The following KIAA1671 variants were observed in gnomAD, a reference collection of about 807,000 sequenced individuals.
KIAA1671 encodes KIAA1671, also known as uncharacterized protein KIAA1671.
A neutral mutation model predicts 131.2 loss-of-function variants in KIAA1671; 52 were observed. That is an observed-to-expected ratio of 0.40 (90% CI 0.32 to 0.50). The LOEUF is 0.50. Among genes scored for constraint, KIAA1671 ranks in the 20% least tolerant of loss-of-function variants. The pLI is 0.73. For synonymous variants in KIAA1671, 1,003 were observed against 961.6 expected (o/e 1.04, Z -0.80); for missense variants, 2,360 against 2,364.2 (o/e 1.00, Z 0.04).
At chr22:25,149,596 G>A (rs1406407156) in intron 6 of KIAA1671, among the ~76,000 whole-genome samples, 1 of 151,848 alleles carries the variant, frequency 6.6e-6, no homozygotes, top group African/African-American at 2.4e-5. Context: ...TTGGACCCTG[G>A]AAGACCCCCC....
rs200053378 is a variant in KIAA1671, at chr22:25,041,839, G to C, written c.4395+314G>C. ...GGCTCACTGCAGCCATAATCTCCTG[G>C]GCTCAAGCCATCCTCCCGCCTCAGC... On this transcript the variant is annotated intron_variant, in intron 5 of 12. Coordinates refer to ENST00000358431, the MANE Select transcript of KIAA1671 (RefSeq NM_001145206.2). 4.8e-4 allele frequency among the ~76,000 whole-genome samples: 73 copies of C among 152,264 alleles called. No homozygotes were observed. The East Asian group carries it at 0.011, about 22-fold the overall frequency.
At chr22:25,163,177 AATT>A (rs1933507394) in intron 6 of KIAA1671, among the ~76,000 whole-genome samples, 2 of 151,682 alleles carry the variant, frequency 1.3e-5, no homozygotes, top group African/African-American at 4.8e-5. Flanking sequence ...AAAATACAAA[AATT>A]AGCCAGGCAT....
At chr22:24,977,391 T>A (rs141383427) in intron 1 of KIAA1671, among the ~76,000 whole-genome samples, 1 of 152,340 alleles carries the variant, frequency 6.6e-6, no homozygotes, top group East Asian at 1.9e-4. Context: ...AGAGCCTTGA[T>A]AAACCGGGCT....
intron 1 of KIAA1671, among the ~76,000 whole-genome samples, chr22:24,957,547 A>G (rs958120097): frequency 1.3e-5 from 2 of 152,102 alleles, no homozygotes; most frequent in African/African-American, 4.8e-5. Context: ...TAGATAAGCC[A>G]TGTCCCCCCG....
intron 1 of KIAA1671, among the ~76,000 whole-genome samples, chr22:24,955,114 G>A (rs977743694): frequency 1.3e-5 from 2 of 152,172 alleles, no homozygotes; most frequent in African/African-American, 2.4e-5. Flanking sequence ...GACCTTGGCA[G>A]GAGAATGAAG....
intron 1 of KIAA1671, among the ~76,000 whole-genome samples, chr22:24,969,092 A>G (rs1922461887): frequency 6.6e-6 from 1 of 151,862 alleles, no homozygotes; most frequent in African/African-American, 2.4e-5. Context: ...GCAGAGACAG[A>G]ATCTCCCATT....
chr22:25,082,075 G>A (rs751495409), intron 6 of KIAA1671, among the ~76,000 whole-genome samples: 10 of 152,088 alleles, frequency 6.6e-5, no homozygotes, highest in Non-Finnish European at 1.3e-4. Context: ...GCTGCTGGTA[G>A]GCAAATGGAT....
chr22:24,982,264 TCAAA>T (rs1371229572), intron 1 of KIAA1671, among the ~76,000 whole-genome samples: 1 of 152,176 alleles, frequency 6.6e-6, no homozygotes, highest in African/African-American at 2.4e-5. Flanking sequence ...GCAAAGGAAA[TCAAA>T]CAGTGTCATC....
At chr22:25,171,681 C>T (rs1158511793) in intron 7 of KIAA1671, among the ~76,000 whole-genome samples, 2 of 151,414 alleles carry the variant, frequency 1.3e-5, no homozygotes, top group Non-Finnish European at 2.9e-5. Flanking sequence ...CGCCAATGCA[C>T]TCAATCCAGC....
intron 1 of KIAA1671, among the ~76,000 whole-genome samples, chr22:24,989,333 G>C (rs73879183): frequency 0.01 from 1,574 of 152,250 alleles, 32 homozygotes; most frequent in African/African-American, 0.036. Context: ...GTGCTTGCAG[G>C]GGGGTCACAG....
intron 6 of KIAA1671, among the ~76,000 whole-genome samples, chr22:25,093,768 G>GTCTCTCTCTCTCTCTC (rs71191028): frequency 1.6e-5 from 1 of 60,740 alleles, no homozygotes; most frequent in African/African-American, 1.0e-4. Flanking sequence ...CTCTCTCTCT[G>GTCTCTCTCTCTCTCTC]TCTCTCTCTC....
chr22:25,114,487 C>T (rs1601327817), intron 6 of KIAA1671, among the ~76,000 whole-genome samples: 2 of 152,230 alleles, frequency 1.3e-5, no homozygotes, highest in African/African-American at 2.4e-5. Context: ...GATAAGTCAA[C>T]GAAACGCAAG....
intron 1 of KIAA1671, among the ~76,000 whole-genome samples, chr22:24,979,170 AT>A (rs71191010): frequency 0.14 from 11,431 of 81,558 alleles, 879 homozygotes; most frequent in East Asian, 0.41. Flanking sequence ...TAATTTTTGT[AT>A]TTTTTTTTTT....
chr22:25,142,542 G>A (rs933718440), intron 6 of KIAA1671, among the ~76,000 whole-genome samples: 2 of 152,174 alleles, frequency 1.3e-5, no homozygotes, highest in Non-Finnish European at 2.9e-5. Context: ...CAGGGGCTGA[G>A]GTGAGTGGGA....
chr22:25,082,060 T>A (rs942698696), intron 6 of KIAA1671, among the ~76,000 whole-genome samples: 24 of 152,218 alleles, frequency 1.6e-4, no homozygotes, highest in African/African-American at 5.3e-4. Flanking sequence ...CTACCCGCAC[T>A]GTTTGCTGCT....
intron 6 of KIAA1671, among the ~76,000 whole-genome samples, chr22:25,155,670 GTGTA>G (rs1933209016): frequency 6.6e-6 from 1 of 151,926 alleles, no homozygotes; most frequent in African/African-American, 2.4e-5. Context: ...TGTAAGTATT[GTGTA>G]TGTGTGTATG....
rs1184310774 is a variant in KIAA1671 at position 25,039,874 on chromosome 22, T to A, written c.2744T>A (p.Val915Glu). The A allele has an allele frequency of 6.4e-7, 1 of 1,551,368 alleles. No individual in the cohort carries two copies. The highest frequency in any genetic ancestry group is 1.4e-5 in the African/African-American group (1 of 73,066). ...GCTGTGCAGAAAGGGCCCTTCATTGTAGCCGCCAGGGAGGGTGATCCAGGG... is the reference window on the plus strand; with the variant it reads ...GCTGTGCAGAAAGGGCCCTTCATTGAAGCCGCCAGGGAGGGTGATCCAGGG... ...AFAVQKGPFIVAAREGDPGPA... is the reference protein window; with the variant it reads ...AFAVQKGPFIEAAREGDPGPA... Residue 915 changes from valine (V) to glutamate (E), a missense_variant, in exon 5 of 13, where the codon GTA becomes GAA. Val to Glu is a moderately radical substitution (Grantham distance 121). Coordinates refer to ENST00000358431, the MANE Select transcript of KIAA1671 (RefSeq NM_001145206.2).
In KIAA1671 at chr22:25,082,557, G is replaced by T. The variant is rs1242729269; in HGVS notation, c.4530+33193G>T. Among the ~76,000 whole-genome samples, 4 of 152,234 alleles carry T rather than the reference G, an allele frequency of 2.6e-5. No individual in the cohort carries two copies. The South Asian group carries it at 6.2e-4, about 24-fold the overall frequency. Reference sequence around the variant, plus strand: ...TTTAAGAAAACCTGATGTTGGCCAGGCCTGGTGGCTCATGCCTGTAATCTC... The same window carrying T: ...TTTAAGAAAACCTGATGTTGGCCAGTCCTGGTGGCTCATGCCTGTAATCTC... On this transcript the variant is annotated intron_variant, in intron 6 of 12. Transcript: ENST00000358431.
intron 1 of KIAA1671, among the ~76,000 whole-genome samples, chr22:24,973,785 T>C (rs1922766491): frequency 6.6e-6 from 1 of 152,110 alleles, no homozygotes; most frequent in South Asian, 2.1e-4. Context: ...GGGACTTTGC[T>C]CCCTGCCATG....
Sources: gnomAD v4.1 joint callset for allele counts (sites outside exome capture counted in the v4.1 genomes callset) on GRCh38, gnomAD v4.1.1 for gene constraint, MANE v1.5 for transcripts, NCBI Gene and HGNC (gene_info 2026-07-23, HGNC 2026-07-21) for gene names.